CHRM3: variants seen among roughly 807,000 people sequenced by gnomAD.
CHRM3 encodes the protein cholinergic receptor muscarinic 3.
A neutral mutation model predicts 41.8 loss-of-function variants in CHRM3; 11 were observed. The observed-to-expected ratio is 0.26, with a 90% CI of 0.17 to 0.44. The LOEUF is 0.44. Among genes scored for constraint, CHRM3 ranks in the 20% least tolerant of loss-of-function variants. The pLI is 1.00. For missense variants in CHRM3, 571 were observed against 745.4 expected (o/e 0.77, Z 2.72); for synonymous variants, 297 against 301.4 (o/e 0.99, Z 0.15).
intron 6 of CHRM3, among the ~76,000 whole-genome samples, chr1:239,900,281 G>A (rs906619453): frequency 4.8e-5 from 3 of 63,152 alleles, no homozygotes; most frequent in South Asian, 3.9e-4. Context: ...CTACAGTCTT[G>A]ATTCTCAGGA....
chr1:239,433,074 C>T (rs1039438840), intron 1 of CHRM3, among the ~76,000 whole-genome samples: 2 of 152,098 alleles, frequency 1.3e-5, no homozygotes, highest in African/African-American at 4.8e-5. Flanking sequence ...CTTTCTCCTC[C>T]TATCCATGTT....
At chr1:239,530,993 C>G (rs532866585) in intron 2 of CHRM3, among the ~76,000 whole-genome samples, 10 of 151,990 alleles carry the variant, frequency 6.6e-5, no homozygotes, top group Non-Finnish European at 1.5e-4. Context: ...AACTGCAAGT[C>G]AGAGAAACAT....
chr1:239,825,380 A>G (rs1390090308), intron 5 of CHRM3, among the ~76,000 whole-genome samples: 10 of 152,144 alleles, frequency 6.6e-5, no homozygotes, highest in African/African-American at 2.2e-4. Flanking sequence ...TTGCCTTCAA[A>G]TCTTCTCTCT....
At chr1:239,410,029 A>G (rs754113751) in intron 1 of CHRM3, among the ~76,000 whole-genome samples, 4 of 152,324 alleles carry the variant, frequency 2.6e-5, no homozygotes, top group African/African-American at 4.8e-5. Context: ...AACAAAATCT[A>G]TGCTCTGGAT....
intron 5 of CHRM3, among the ~76,000 whole-genome samples, chr1:239,716,779 G>A (rs1186686436): frequency 6.6e-6 from 1 of 151,922 alleles, no homozygotes; most frequent in East Asian, 1.9e-4. Flanking sequence ...AGAAGGGAGG[G>A]GCCCAAACGT....
chr1:239,685,995 C>T (rs1265723010), intron 5 of CHRM3, among the ~76,000 whole-genome samples: 1 of 151,802 alleles, frequency 6.6e-6, no homozygotes, highest in Non-Finnish European at 1.5e-5. Flanking sequence ...CAAAAACAAA[C>T]AAACAAAAAA....
At position 239,438,183 on chromosome 1, in the gene CHRM3, T is replaced by C. The variant is rs372303433; in HGVS notation, c.-521+50956T>C. On this transcript the variant is annotated intron_variant, in intron 1 of 6. Transcript: ENST00000676153. ...TACATTTTATTATATTTTAAGTACATTTACATTTATTTCCACTATAGAATT... is the reference window on the plus strand; with the variant it reads ...TACATTTTATTATATTTTAAGTACACTTACATTTATTTCCACTATAGAATT... Among the ~76,000 whole-genome samples the C allele has an allele frequency of 3.9e-4, 59 of 152,344 alleles. No individual in the cohort carries two copies. The East Asian group carries it at 9.5e-3, about 24-fold the overall frequency.
chr1:239,883,343 A>G (rs1677802434), intron 6 of CHRM3, among the ~76,000 whole-genome samples: 2 of 152,174 alleles, frequency 1.3e-5, no homozygotes, highest in Non-Finnish European at 2.9e-5. Flanking sequence ...TTCATCTCCA[A>G]CTATGCCCCT....
At chr1:239,583,948 T>G (rs1386000247) in intron 3 of CHRM3, among the ~76,000 whole-genome samples, 1 of 152,070 alleles carries the variant, frequency 6.6e-6, no homozygotes, top group Non-Finnish European at 1.5e-5. Flanking sequence ...ATGATTCCAT[T>G]AGATTAGGCG....
At position 239,913,369 on chromosome 1, in the gene CHRM3, A is replaced by G. The variant is rs1186449006; in HGVS notation, c.*4145A>G. Reference sequence around the variant, plus strand: ...AAAGTTATTTTTTTTTAACCTAAAGAACCCTACTTCTAGCACCTCCTCTGA... The same window carrying G: ...AAAGTTATTTTTTTTTAACCTAAAGGACCCTACTTCTAGCACCTCCTCTGA... On this transcript the variant is annotated 3_prime_UTR_variant, in exon 7 of 7. Transcript: ENST00000676153. The G allele has an allele frequency of 6.0e-6, 1 of 167,056 alleles. No homozygotes were observed. The highest frequency in any genetic ancestry group is 1.5e-5 in the Non-Finnish European group (1 of 68,124). The allele number at this position is 167,056 out of a possible 1,614,324, so 10.3% of individuals were successfully genotyped here. A position where few individuals can be genotyped will look rare whatever the true frequency, so the allele number is the denominator to read the frequency against.
At chr1:239,840,427 T>A (rs1673698913) in intron 6 of CHRM3, among the ~76,000 whole-genome samples, 1 of 152,212 alleles carries the variant, frequency 6.6e-6, no homozygotes, top group Admixed American at 6.5e-5. Context: ...AATCTTGTTC[T>A]GCAATTCCAG....
chr1:239,908,763 G>C lies in CHRM3; in HGVS notation c.1312G>C (p.Ala438Pro). The C allele has an allele frequency of 6.2e-7, 1 of 1,614,036 alleles. No homozygotes were observed. Among genetic ancestry groups the C allele is most frequent in the Non-Finnish European group, 8.5e-7 (1 of 1,179,966 alleles). The change falls in exon 7 of 7, where the codon GCT becomes CCT. Residue 438 changes from alanine to proline, a missense_variant. This residue lies in a region of CHRM3 where 239 missense variants were observed against 239.6 expected (regional missense o/e 1.00). Transcript: ENST00000676153. The surrounding 1 kb of genome is among the most constrained non-coding windows in gnomAD (Gnocchi z 7.2). ...CCAGCTAGAGTCAGCCGTGGACACA[G>C]CTAAGACTTCTGACGTCAACTCCTC... ...PIQLESAVDT[A>P]KTSDVNSSVG...
intron 1 of CHRM3, among the ~76,000 whole-genome samples, chr1:239,421,857 T>TA (rs896248401): frequency 6.6e-6 from 1 of 152,152 alleles, no homozygotes; most frequent in Non-Finnish European, 1.5e-5. Context: ...TTTTTTTTTT[T>TA]ACTAGGCTAA....
intron 5 of CHRM3, among the ~76,000 whole-genome samples, chr1:239,807,951 T>C (rs1485347151): frequency 1.3e-5 from 2 of 152,218 alleles, no homozygotes; most frequent in Non-Finnish European, 2.9e-5. Context: ...ATTATCTCAT[T>C]ATTCTTTTCT....
chr1:239,551,538 G>A (rs1303050169), intron 3 of CHRM3, among the ~76,000 whole-genome samples: 1 of 149,498 alleles, frequency 6.7e-6, no homozygotes, highest in African/African-American at 2.4e-5. Context: ...AAAAAAAAAG[G>A]CCTCTGTGTC....
At chr1:239,677,889 G>A (rs748082470) in intron 4 of CHRM3, among the ~76,000 whole-genome samples, 13 of 151,926 alleles carry the variant, frequency 8.6e-5, no homozygotes, top group Non-Finnish European at 1.8e-4. Context: ...AGTTTCTGAG[G>A]GCAGGTGACC....
At chr1:239,891,155 G>T (rs1218004306) in intron 6 of CHRM3, among the ~76,000 whole-genome samples, 2 of 152,238 alleles carry the variant, frequency 1.3e-5, no homozygotes, top group Non-Finnish European at 1.5e-5. Context: ...GGGGAAAGAT[G>T]ACACATCTGA....
At chr1:239,607,409 T>A (rs1471747575) in intron 3 of CHRM3, among the ~76,000 whole-genome samples, 1 of 152,232 alleles carries the variant, frequency 6.6e-6, no homozygotes, top group East Asian at 1.9e-4. Flanking sequence ...TGCATAGGCA[T>A]CCTGTTGAAA....
chr1:239,622,569 C>T (rs771356070), intron 3 of CHRM3, among the ~76,000 whole-genome samples: 3 of 152,044 alleles, frequency 2.0e-5, no homozygotes, highest in Non-Finnish European at 4.4e-5. Context: ...AGAATAAATA[C>T]CATTGTGGTA....
Sources: allele counts gnomAD v4.1 joint callset (sites outside exome capture counted in the v4.1 genomes callset), GRCh38; gene constraint gnomAD v4.1.1; regional missense constraint gnomAD v4.1.1; non-coding constraint Gnocchi (gnomAD v3.1); transcripts MANE v1.5; gene names NCBI Gene and HGNC (gene_info 2026-07-23, HGNC 2026-07-21).